Variants in ZNF813 observed in about 807,000 individuals in gnomAD.
ZNF813 encodes zinc finger protein 813.
A neutral mutation model predicts 7.2 loss-of-function variants in ZNF813; 3 were observed. The observed-to-expected ratio is 0.42, with a 90% CI of 0.19 to 1.08. ZNF813 has a LOEUF of 1.08. Ranked by LOEUF, ZNF813 falls within the 50% of genes least tolerant of loss-of-function variation. The pLI, the probability that ZNF813 is intolerant of heterozygous loss-of-function variation, is 0.30. For synonymous variants in ZNF813, 227 were observed against 256.3 expected (o/e 0.89, Z 1.09); for missense variants, 714 against 753.3 (o/e 0.95, Z 0.61).
In ZNF813 at chr19:53,491,063, C is replaced by T. The variant is rs1478343475; in HGVS notation, c.831C>T (p.Gly277=). 6.2e-7 allele frequency: 1 copy of T among 1,614,150 alleles called. No homozygotes were observed. The highest frequency in any genetic ancestry group is 2.2e-5 in the East Asian group (1 of 44,886). ...AACCTTACAGGTGTAATGAGTGTGG[C>T]AAGACTTTCAGTCAGACGTATTCCC... The part of the protein sequence containing the change: ...GEKPYRCNEC[G]KTFSQTYSLT... The change falls in exon 4 of 4, where the codon GGC becomes GGT. Residue 277 remains glycine, a synonymous_variant. Transcript: ENST00000396403.
chr19:53,488,449 T>C (rs2147162350), intron 3 of ZNF813: 1 of 282,228 alleles, frequency 3.5e-6, no homozygotes, highest in Non-Finnish European at 7.0e-6. Context: ...TGGTCTGTTG[T>C]CCAGGCTGGA....
chr19:53,474,403 T>C (rs1168443632), intron 1 of ZNF813, among the ~76,000 whole-genome samples: 1 of 152,160 alleles, frequency 6.6e-6, no homozygotes, highest in African/African-American at 2.4e-5. Context: ...AATGGCACTT[T>C]CGTGGCCGGG....
At chr19:53,482,727 T>C (rs996735829) in intron 1 of ZNF813, among the ~76,000 whole-genome samples, 11 of 137,100 alleles carry the variant, frequency 8.0e-5, no homozygotes, top group African/African-American at 3.1e-4. Context: ...TTTTTTTTTT[T>C]TTTTTTTTTT....
chr19:53,468,543 G>A (rs2086339950), intron 1 of ZNF813, among the ~76,000 whole-genome samples: 1 of 152,132 alleles, frequency 6.6e-6, no homozygotes, highest in Admixed American at 6.5e-5. Context: ...CCTAGTGAGG[G>A]GAGTGTAGCA....
chr19:53,468,640 C>T (rs1398586567), intron 1 of ZNF813, among the ~76,000 whole-genome samples: 2 of 152,168 alleles, frequency 1.3e-5, no homozygotes, highest in Admixed American at 6.5e-5. Context: ...GTACTGTGCC[C>T]AGATGTGCAC....
At position 53,493,100 on chromosome 19, in the gene ZNF813, A is replaced by G; in HGVS notation, c.*1014A>G. On this transcript the variant is annotated 3_prime_UTR_variant, in exon 4 of 4. Transcript: ENST00000396403. ...AATTGACATTAAAGTGTTTATGTTA[A>G]GAGGATTGGGCCAGGTACAGTGTCT... 1 of 353,964 alleles carries G rather than the reference A, an allele frequency of 2.8e-6. No homozygotes were observed. The highest frequency in any genetic ancestry group is 5.6e-6 in the Non-Finnish European group (1 of 179,664). The allele number at this position is 353,964 out of a possible 1,614,324, so 21.9% of individuals were successfully genotyped here. A position where few individuals can be genotyped will look rare whatever the true frequency, so the allele number is the denominator to read the frequency against.
intron 1 of ZNF813, among the ~76,000 whole-genome samples, chr19:53,468,425 T>G (rs969764102): frequency 1.3e-5 from 2 of 151,826 alleles, no homozygotes; most frequent in African/African-American, 4.8e-5. Flanking sequence ...AGACAAAGTA[T>G]AGAGAAAGGA....
chr19:53,473,627 A>T (rs1481039192), intron 1 of ZNF813, among the ~76,000 whole-genome samples: 1 of 152,180 alleles, frequency 6.6e-6, no homozygotes, highest in African/African-American at 2.4e-5. Flanking sequence ...GAGAAGTTGG[A>T]TTCTACTTTT....
At chr19:53,485,569 TACATGTATGTCATGAC>T (rs561622183) in intron 2 of ZNF813, among the ~76,000 whole-genome samples, 1,447 of 108,282 alleles carry the variant, frequency 0.013, 20 homozygotes, top group African/African-American at 0.025. Context: ...ATGACATATA[TACATGTATGTCATGAC>T]ATATGTATGT....
At chr19:53,481,344 C>CTGTTTTTTTTTTTTTTTT (rs2086407477) in intron 1 of ZNF813, among the ~76,000 whole-genome samples, 1 of 106,400 alleles carries the variant, frequency 9.4e-6, no homozygotes, top group Non-Finnish European at 1.8e-5. Flanking sequence ...CCCATGTATT[C>CTGTTTTTTTTTTTTTTTT]TTTTTTTTTT....
Position 53,477,491 on chromosome 19 carries a change from T to C in ZNF813, c.-73-6259T>C, listed in dbSNP as rs140567283. ...CTTTAACTAACTGGAATAATAATTT[T>C]TCTTCTACTTGAGTGTGAGGTTGCA... On this transcript the variant is annotated intron_variant, in intron 1 of 3. Coordinates refer to ENST00000396403, the MANE Select transcript of ZNF813 (RefSeq NM_001004301.4). Among the ~76,000 whole-genome samples the C allele has an allele frequency of 1.8e-3, 280 of 152,148 alleles. 1 individual carries two copies. Among genetic ancestry groups the C allele is most frequent in the Non-Finnish European group, 3.3e-3 (222 of 67,992 alleles).
intron 1 of ZNF813, chr19:53,480,189 T>A (rs1456749779): frequency 1.3e-6 from 1 of 757,716 alleles, no homozygotes; most frequent in Non-Finnish European, 2.4e-6. Flanking sequence ...GGGCTGATCT[T>A]CAATTGGAAG....
At chr19:53,485,685 A>T (rs1426077146) in intron 2 of ZNF813, among the ~76,000 whole-genome samples, 1 of 151,798 alleles carries the variant, frequency 6.6e-6, no homozygotes, top group Non-Finnish European at 1.5e-5. Context: ...ATGGATTTTC[A>T]TACTTTGAGA....
chr19:53,484,972 A>G (rs1007998898), intron 2 of ZNF813, among the ~76,000 whole-genome samples: 1 of 152,182 alleles, frequency 6.6e-6, no homozygotes, highest in Non-Finnish European at 1.5e-5. Flanking sequence ...ACTTTTTGCT[A>G]TAAAGCATCT....
chr19:53,479,863 A>C, intron 1 of ZNF813: 4 of 1,055,656 alleles, frequency 3.8e-6, no homozygotes, highest in African/African-American at 1.5e-5. Context: ...GTCTGAGTGC[A>C]GCTGAAGAAA....
At chr19:53,472,436 A>G (rs1044181573) in intron 1 of ZNF813, among the ~76,000 whole-genome samples, 3 of 151,908 alleles carry the variant, frequency 2.0e-5, no homozygotes, top group Non-Finnish European at 4.4e-5. Flanking sequence ...ACAGAGAAAT[A>G]GGCCATCGGT....
chr19:53,490,573 CA>C lies in ZNF813; in HGVS notation c.342del (p.Glu115LysfsTer5), dbSNP rs1285379111. On this transcript the variant is annotated frameshift_variant, in exon 4 of 4. Transcript: ENST00000396403. LOFTEE classifies it low-confidence loss of function (END_TRUNC). ...DERNSHEAPMTEIKKLTGSAD... is the reference protein window; with the variant it reads ...DERNSHEAPMXEIKKLTGSAD... ...AGAAATAGCCATGAAGCACCCATGA[CA>C]GAAATCAAAAAGTTGACTGGTAGTG... 1 of 1,614,122 alleles carries C rather than the reference CA, an allele frequency of 6.2e-7. No individual in the cohort carries two copies. The highest frequency in any genetic ancestry group is 8.5e-7 in the Non-Finnish European group (1 of 1,180,018).
Position 53,490,372 on chromosome 19 carries a change from T to C in ZNF813, c.143-3T>C. 6.2e-7 allele frequency: 1 copy of C among 1,613,842 alleles called. No homozygotes were observed. The highest frequency in any genetic ancestry group is 1.3e-5 in the African/African-American group (1 of 75,026). On this transcript the variant is annotated splice_polypyrimidine_tract_variant and splice_region_variant and intron_variant, in intron 3 of 3. Coordinates refer to ENST00000396403, the MANE Select transcript of ZNF813 (RefSeq NM_001004301.4). ...GAAACCTATTCGTGTTTATATTTTG[T>C]AGATATCTCTTCCAAATGCATGATG...
chr19:53,473,627 A>G (rs1481039192), intron 1 of ZNF813, among the ~76,000 whole-genome samples: 1 of 152,180 alleles, frequency 6.6e-6, no homozygotes, highest in Non-Finnish European at 1.5e-5. Flanking sequence ...GAGAAGTTGG[A>G]TTCTACTTTT....
Sources: gnomAD v4.1 joint callset for allele counts (sites outside exome capture counted in the v4.1 genomes callset) on GRCh38, gnomAD v4.1.1 for gene constraint, MANE v1.5 for transcripts, NCBI Gene and HGNC (gene_info 2026-07-23, HGNC 2026-07-21) for gene names.